SPATS2: variants seen among roughly 807,000 people sequenced by gnomAD.
The protein encoded by SPATS2 is spermatogenesis associated serine rich 2, also known as spermatogenesis-associated serine-rich protein 2.
Under a neutral mutation model 63.7 loss-of-function variants are expected in SPATS2, and 38 were observed. The observed-to-expected ratio is 0.60, with a 90% CI of 0.46 to 0.78. SPATS2 has a LOEUF of 0.78. Among genes scored for constraint, SPATS2 ranks in the 30% least tolerant of loss-of-function variants. SPATS2 has a pLI of 0.00. For missense variants in SPATS2, 588 were observed against 666.2 expected, an observed-to-expected ratio of 0.88 and a Z score of 1.29; for synonymous variants, 207 against 232.9, an observed-to-expected ratio of 0.89 and a Z score of 1.01.
chr12:49,462,436 T>C (rs1263358159), intron 3 of SPATS2: 2 of 702,244 alleles, frequency 2.8e-6, no homozygotes, highest in South Asian at 1.5e-5. Flanking sequence ...CATGTTACAG[T>C]GCTCTTCTGG....
At chr12:49,368,342 A>G (rs1943939185) in intron 1 of SPATS2, among the ~76,000 whole-genome samples, 1 of 152,174 alleles carries the variant, frequency 6.6e-6, no homozygotes, top group African/African-American at 2.4e-5. Context: ...TCTGTTTAGC[A>G]GGCTACTGTT....
intron 2 of SPATS2, among the ~76,000 whole-genome samples, chr12:49,458,829 A>T (rs1945767924): frequency 6.6e-6 from 1 of 150,894 alleles, no homozygotes; most frequent in Admixed American, 6.6e-5. Context: ...TAAAATGTTT[A>T]GTAATATAGA....
chr12:49,399,867 C>G (rs1357213147), intron 2 of SPATS2, among the ~76,000 whole-genome samples: 1 of 152,024 alleles, frequency 6.6e-6, no homozygotes, highest in Non-Finnish European at 1.5e-5. Context: ...GAAACCCCAT[C>G]TCTACTAAAA....
chr12:49,434,409 C>A (rs936288728), intron 2 of SPATS2, among the ~76,000 whole-genome samples: 7 of 152,154 alleles, frequency 4.6e-5, no homozygotes, highest in Non-Finnish European at 8.8e-5. Context: ...TATCATCACC[C>A]CAACAAAAAC....
intron 2 of SPATS2, among the ~76,000 whole-genome samples, chr12:49,434,250 G>T (rs7139061): frequency 0.3 from 44,916 of 151,988 alleles, 8,967 homozygotes; most frequent in African/African-American, 0.57. Flanking sequence ...TTCAAGATTG[G>T]TTTGGCTATT....
intron 3 of SPATS2, 71 bp downstream of exon 3, chr12:49,461,108 A>T (rs543650168): frequency 6.6e-7 from 1 of 1,514,408 alleles, no homozygotes; most frequent in South Asian, 1.2e-5. Context: ...CTGTATATTT[A>T]AAAACTGTCC....
At chr12:49,469,607 TG>T (rs1420396189) in intron 3 of SPATS2, 3 of 413,448 alleles carry the variant, frequency 7.3e-6, no homozygotes, top group Non-Finnish European at 1.4e-5. Context: ...CTGAGAAATA[TG>T]GGCCAGGCAC....
Position 49,512,717 on chromosome 12 carries a change from T to C in SPATS2, c.840-1838T>C, listed in dbSNP as rs1946773252. ...TGCTGTAGTCTTTTAATAAATATTT[T>C]ACAAGCTTTGTCAGAGAAAAAGGAT... On this transcript the variant is annotated intron_variant, in intron 9 of 13. Coordinates refer to ENST00000552918, the MANE Select transcript of SPATS2 (RefSeq NM_023071.4). 5 of 390,964 alleles carry C rather than the reference T, an allele frequency of 1.3e-5. 1 individual carries two copies. The Admixed American group carries it at 1.8e-4, about 14-fold the overall frequency. 24.2% of individuals were successfully genotyped at this position (390,964 alleles called of 1,614,324 possible). A position where few individuals can be genotyped will look rare whatever the true frequency, so the allele number is the denominator to read the frequency against.
At chr12:49,425,926 C>T (rs1396366716) in intron 2 of SPATS2, among the ~76,000 whole-genome samples, 1 of 152,176 alleles carries the variant, frequency 6.6e-6, no homozygotes, top group African/African-American at 2.4e-5. Context: ...AGCCACCATG[C>T]CCAGCCAGTA....
At chr12:49,497,763 T>C (rs1357762441) in intron 8 of SPATS2, among the ~76,000 whole-genome samples, 1 of 152,098 alleles carries the variant, frequency 6.6e-6, no homozygotes, top group African/African-American at 2.4e-5. Flanking sequence ...GCTAGAGTCC[T>C]CTGACAGACT....
chr12:49,430,847 G>GT (rs1258638129), intron 2 of SPATS2, among the ~76,000 whole-genome samples: 1 of 152,018 alleles, frequency 6.6e-6, no homozygotes, highest in Admixed American at 6.6e-5. Flanking sequence ...CTACAGGCAT[G>GT]TGCCACCACA....
At chr12:49,453,466 G>A (rs1364808529) in intron 2 of SPATS2, among the ~76,000 whole-genome samples, 2 of 151,986 alleles carry the variant, frequency 1.3e-5, no homozygotes, top group Admixed American at 6.6e-5. Context: ...TGTGGCTGCT[G>A]GTTGCTGATG....
chr12:49,445,635 A>C (rs1945497467), intron 2 of SPATS2, among the ~76,000 whole-genome samples: 1 of 152,070 alleles, frequency 6.6e-6, no homozygotes, highest in Non-Finnish European at 1.5e-5. Context: ...CTACTCCCTC[A>C]GCCTCCCAAG....
At chr12:49,502,863 C>T (rs1946588190) in intron 9 of SPATS2, among the ~76,000 whole-genome samples, 1 of 152,152 alleles carries the variant, frequency 6.6e-6, no homozygotes, top group Admixed American at 6.5e-5. Context: ...TGCCACTTTC[C>T]CAGCCTGAAA....
intron 2 of SPATS2, among the ~76,000 whole-genome samples, chr12:49,375,857 G>A (rs961036078): frequency 2.0e-5 from 3 of 152,022 alleles, no homozygotes; most frequent in Non-Finnish European, 4.4e-5. Flanking sequence ...CTCCTAGGCT[G>A]GAGTGCAGTG....
chr12:49,477,585 A>G (rs1396884085), intron 3 of SPATS2, among the ~76,000 whole-genome samples: 1 of 152,166 alleles, frequency 6.6e-6, no homozygotes, highest in Non-Finnish European at 1.5e-5. Flanking sequence ...ACCTCCGGAG[A>G]GGATACGTGT....
intron 2 of SPATS2, among the ~76,000 whole-genome samples, chr12:49,402,707 A>G (rs1311906824): frequency 6.6e-6 from 1 of 152,178 alleles, no homozygotes; most frequent in Non-Finnish European, 1.5e-5. Context: ...TGACCTAGGC[A>G]TATCAGATGA....
At chr12:49,477,962 C>CTTTT (rs1002916907) in intron 3 of SPATS2, among the ~76,000 whole-genome samples, 7 of 105,230 alleles carry the variant, frequency 6.7e-5, no homozygotes, top group African/African-American at 2.1e-4. Flanking sequence ...GTGGTTTTGT[C>CTTTT]TTTTTTTTTT....
intron 2 of SPATS2, among the ~76,000 whole-genome samples, chr12:49,446,709 C>T (rs1945516818): frequency 1.3e-5 from 2 of 152,210 alleles, no homozygotes; most frequent in Non-Finnish European, 2.9e-5. Context: ...CTTAAGGGCT[C>T]ATGCGATTAG....
Sources: gnomAD v4.1 joint callset for allele counts (sites outside exome capture counted in the v4.1 genomes callset) on GRCh38, gnomAD v4.1.1 for gene constraint, MANE v1.5 for transcripts, NCBI Gene and HGNC (gene_info 2026-07-23, HGNC 2026-07-21) for gene names.